The following ZNF536 variants were observed in gnomAD, a reference collection of about 807,000 sequenced individuals.
ZNF536 encodes zinc finger protein 536.
In ZNF536, 13 loss-of-function variants were observed where a neutral mutation model predicts 84.5. The ratio of observed to expected loss-of-function variants is 0.15; its 90% CI spans 0.10 to 0.24. The LOEUF is 0.24. Ranked by LOEUF, ZNF536 falls within the 10% of genes least tolerant of loss-of-function variation. The pLI is 1.00. For missense variants in ZNF536, 1,536 were observed against 1,747.5 expected, an observed-to-expected ratio of 0.88 and a Z score of 2.16; for synonymous variants, 811 against 742.5, an observed-to-expected ratio of 1.09 and a Z score of -1.50.
At chr19:30,605,938 T>G (rs1385628767) in intron 1 of ZNF536, among the ~76,000 whole-genome samples, 1 of 152,044 alleles carries the variant, frequency 6.6e-6, no homozygotes, top group Non-Finnish European at 1.5e-5. Context: ...AGAAAGACTT[T>G]GGCCATTTGA....
chr19:30,387,696 C>G (rs1473068804), intron 1 of ZNF536, among the ~76,000 whole-genome samples: 1 of 152,218 alleles, frequency 6.6e-6, no homozygotes, highest in African/African-American at 2.4e-5. Flanking sequence ...GCTGCAGACA[C>G]TAATGGCTGG....
At chr19:30,379,616 G>C (rs1030910705) in intron 1 of ZNF536, among the ~76,000 whole-genome samples, 23 of 151,144 alleles carry the variant, frequency 1.5e-4, no homozygotes, top group Non-Finnish European at 2.7e-4. Context: ...GGTGGGGCTT[G>C]AGGGTAGACA....
At chr19:30,668,788 A>C (rs1017560788) in intron 1 of ZNF536, 16 of 152,250 alleles carry the variant, frequency 1.1e-4, no homozygotes, top group African/African-American at 3.6e-4. Context: ...TGCTGTGATC[A>C]CAGGAGCTCC....
rs2148184053 is a variant in ZNF536 at position 30,444,450 on chromosome 19, G to A, written c.888G>A (p.Leu296=). ...AGCTGGACCGCCACATCCGCATCTTGCACAAGCCCTACAAGTGCACGTTGT... is the reference window on the plus strand; with the variant it reads ...AGCTGGACCGCCACATCCGCATCTTACACAAGCCCTACAAGTGCACGTTGT... The part of the protein sequence containing the change: ...REELDRHIRI[L]HKPYKCTLCD... Residue 296 remains leucine (L), a synonymous_variant, in exon 2 of 5, where the codon TTG becomes TTA. Transcript: ENST00000355537. 1 of 1,609,962 alleles carries A rather than the reference G, an allele frequency of 6.2e-7. No homozygotes were observed.
At chr19:30,354,512 C>T (rs925771369) in intron 3 of ZNF536, among the ~76,000 whole-genome samples, 3 of 152,240 alleles carry the variant, frequency 2.0e-5, no homozygotes, top group South Asian at 2.1e-4. Context: ...GAATTACAGG[C>T]GTGATCTACT....
At chr19:30,263,088 AG>A (rs1305005895) in intron 1 of ZNF536, among the ~76,000 whole-genome samples, 31 of 152,100 alleles carry the variant, frequency 2.0e-4, no homozygotes, top group Non-Finnish European at 4.4e-4. Context: ...AAAGGCAGTG[AG>A]CCCCGAGAAG....
Position 30,389,631 on chromosome 19 carries a change from G to A in ZNF536, c.-3+17075G>A, listed in dbSNP as rs542232632. ...GAGAAAGTTCCAGACTGGGCTAAGC[G>A]AAGGCCAAGACCAGAACCCTTGAAG... On this transcript the variant is annotated intron_variant, in intron 1 of 4. Transcript: ENST00000355537. Among the ~76,000 whole-genome samples the A allele has an allele frequency of 1.1e-3, 175 of 152,274 alleles. 1 individual carries two copies. Among genetic ancestry groups the A allele is most frequent in the African/African-American group, 4.1e-3 (169 of 41,556 alleles).
intron 1 of ZNF536, among the ~76,000 whole-genome samples, chr19:30,283,729 AAG>A (rs1310353032): frequency 6.9e-6 from 1 of 144,902 alleles, no homozygotes; most frequent in Non-Finnish European, 1.5e-5. Context: ...GCGAGAGAGA[AAG>A]AGAGAGAGAG....
rs150660212 is a variant in ZNF536 at position 30,491,572 on chromosome 19, G to A, written c.2171-43275G>A. 2.2e-3 allele frequency among the ~76,000 whole-genome samples: 328 copies of A among 152,332 alleles called. 2 individuals carry two copies. The highest frequency in any genetic ancestry group is 7.6e-3 in the African/African-American group (315 of 41,576). The stretch of plus-strand genomic sequence containing the variant: ...TGTCCCCTGCCCTCCCCTCCCGGCA[G>A]TCCTAAGGCAAACAGTTTGTCTTTT... On this transcript the variant is annotated intron_variant, in intron 2 of 4. Coordinates refer to ENST00000355537, the MANE Select transcript of ZNF536 (RefSeq NM_014717.3).
intron 2 of ZNF536, among the ~76,000 whole-genome samples, chr19:30,522,369 A>T (rs1345486889): frequency 6.7e-6 from 1 of 148,404 alleles, no homozygotes; most frequent in Non-Finnish European, 1.5e-5. Flanking sequence ...TTTATTCAAA[A>T]AAATTTTTTA....
chr19:30,666,733 TTC>T (rs2050334235), intron 1 of ZNF536, among the ~76,000 whole-genome samples: 1 of 151,326 alleles, frequency 6.6e-6, no homozygotes, highest in South Asian at 2.1e-4. Context: ...TTTATTTGTT[TTC>T]TCTGTGTGTA....
intron 2 of ZNF536, chr19:30,300,491 C>G (rs2064806883): frequency 6.6e-6 from 1 of 152,120 alleles, no homozygotes; most frequent in Non-Finnish European, 1.5e-5. Flanking sequence ...CTGCAGCCAG[C>G]CTCGTTATGG....
upstream of ZNF536, among the ~76,000 whole-genome samples, chr19:30,370,221 G>A (rs748299729): frequency 5.9e-5 from 9 of 152,218 alleles, no homozygotes; most frequent in Non-Finnish European, 1.2e-4. Flanking sequence ...TGGCGACAGC[G>A]TGGCTTTGAT....
At chr19:30,252,695 A>G (rs1014549347) in intron 1 of ZNF536, among the ~76,000 whole-genome samples, 2 of 152,186 alleles carry the variant, frequency 1.3e-5, no homozygotes, top group African/African-American at 4.8e-5. Context: ...TGCCTAATGG[A>G]GTGGCGAAGG....
intron 2 of ZNF536, among the ~76,000 whole-genome samples, chr19:30,290,567 C>T (rs1409457951): frequency 1.3e-5 from 2 of 152,278 alleles, no homozygotes; most frequent in South Asian, 2.1e-4. Context: ...TCACTGCACC[C>T]GGCCCCCTAT....
chr19:30,315,169 C>T (rs2046637352), intron 2 of ZNF536, among the ~76,000 whole-genome samples: 1 of 152,198 alleles, frequency 6.6e-6, no homozygotes, highest in South Asian at 2.1e-4. Context: ...GCTTGCTCAG[C>T]ACATAATAGG....
At chr19:30,399,975 A>T (rs1237977187) in intron 1 of ZNF536, among the ~76,000 whole-genome samples, 1 of 152,210 alleles carries the variant, frequency 6.6e-6, no homozygotes, top group Non-Finnish European at 1.5e-5. Flanking sequence ...GGCGTGAGCC[A>T]CCGCACCCAG....
intron 1 of ZNF536, among the ~76,000 whole-genome samples, chr19:30,278,128 G>A (rs1279112329): frequency 6.6e-6 from 1 of 152,192 alleles, no homozygotes; most frequent in Non-Finnish European, 1.5e-5. Context: ...GGGACAGTTT[G>A]TTACTCACAG....
In ZNF536 at chr19:30,333,222, C is replaced by T. The variant is rs2047272702; in HGVS notation, c.-119-19146C>T. Among the ~76,000 whole-genome samples, 4 of 152,150 alleles carry T rather than the reference C, an allele frequency of 2.6e-5. No individual in the cohort carries two copies. The South Asian group carries it at 6.2e-4, about 24-fold the overall frequency. Reference sequence around the variant, plus strand: ...GGAAATAATATTTGCTGAAAGAGAGCACAGTTCCATGACCATGAGGCCCTG... The same window carrying T: ...GGAAATAATATTTGCTGAAAGAGAGTACAGTTCCATGACCATGAGGCCCTG... On this transcript the variant is annotated intron_variant, in intron 2 of 5. Coordinates refer to the ZNF536 transcript ENST00000585628.
Sources: allele counts gnomAD v4.1 joint callset (sites outside exome capture counted in the v4.1 genomes callset), GRCh38; gene constraint gnomAD v4.1.1; transcripts MANE v1.5; gene names NCBI Gene and HGNC (gene_info 2026-07-23, HGNC 2026-07-21).